PRMT7: variants seen among roughly 807,000 people sequenced by gnomAD.
PRMT7 encodes the protein protein arginine N-methyltransferase 7.
A neutral mutation model predicts 85.4 loss-of-function variants in PRMT7; 75 were observed. The observed-to-expected ratio is 0.88, with a 90% CI of 0.73 to 1.06. PRMT7 has a LOEUF of 1.06. Among genes scored for constraint, PRMT7 ranks in the 50% least tolerant of loss-of-function variants. The probability of loss-of-function intolerance (pLI) is 0.00; values close to 1 mark genes in which losing one functional copy is unlikely to be tolerated. For missense variants in PRMT7, 868 were observed against 915.2 expected (o/e 0.95, Z 0.67); for synonymous variants, 397 against 359.5 (o/e 1.10, Z -1.18).
At chr16:68,335,603 T>C (rs1409988244) in intron 6 of PRMT7, among the ~76,000 whole-genome samples, 1 of 151,622 alleles carries the variant, frequency 6.6e-6, no homozygotes, top group Non-Finnish European at 1.5e-5. Context: ...TTTTTTTATC[T>C]TCATCATCCC....
At chr16:68,327,201 G>A (rs1260098950) in intron 5 of PRMT7, among the ~76,000 whole-genome samples, 1 of 152,140 alleles carries the variant, frequency 6.6e-6, no homozygotes, top group Non-Finnish European at 1.5e-5. Context: ...GGTAGAAAAT[G>A]TGGGAAATAC....
chr16:68,355,699 C>T, intron 16 of PRMT7, 24 bp from the exon 17 acceptor site: 2 of 1,531,220 alleles, frequency 1.3e-6, no homozygotes, highest in South Asian at 2.5e-5. Context: ...TCTCTGCAGC[C>T]CCCAGGCCCC....
chr16:68,353,600 A>C, intron 16 of PRMT7, 34 bp downstream of exon 16: 4 of 1,507,754 alleles, frequency 2.7e-6, no homozygotes, highest in Non-Finnish European at 2.7e-6. Context: ...AGTACCCCCG[A>C]CCTGCTCCTG....
chr16:68,356,513 C>T (rs1332697594), intron 17 of PRMT7, among the ~76,000 whole-genome samples, 188 bp from the exon 18 acceptor site: 1 of 152,244 alleles, frequency 6.6e-6, no homozygotes, highest in African/African-American at 2.4e-5. Flanking sequence ...CAGGTGGGGG[C>T]TTGGCTGCGG....
chr16:68,319,941 G>A (rs1348227977), intron 3 of PRMT7, among the ~76,000 whole-genome samples: 1 of 152,132 alleles, frequency 6.6e-6, no homozygotes, highest in East Asian at 1.9e-4. Context: ...AGGAAATATG[G>A]AGAAGTGATT....
chr16:68,347,712 A>G, intron 13 of PRMT7, 34 bp downstream of exon 13: 1 of 1,605,446 alleles, frequency 6.2e-7, no homozygotes, highest in Non-Finnish European at 8.5e-7. Flanking sequence ...AAATAGTGAG[A>G]GGACCTGTGG....
At chr16:68,345,887 G>A in intron 10 of PRMT7, 85 bp downstream of exon 10, 17 of 1,575,656 alleles carry the variant, frequency 1.1e-5, no homozygotes, top group Non-Finnish European at 1.5e-5. Context: ...GGAGGTGCCA[G>A]TGGGTTGATT....
chr16:68,330,739 C>T (rs529700181), intron 6 of PRMT7, among the ~76,000 whole-genome samples: 8 of 151,980 alleles, frequency 5.3e-5, no homozygotes, highest in Non-Finnish European at 1.0e-4. Context: ...GGATTACAGG[C>T]GTGCACCACC....
chr16:68,320,732 A>G (rs1388245891), intron 3 of PRMT7, among the ~76,000 whole-genome samples: 2 of 152,286 alleles, frequency 1.3e-5, no homozygotes, highest in South Asian at 2.1e-4. Context: ...CTACTGGAGC[A>G]TTTTTAGGTC....
At chr16:68,323,476 T>A (rs965708312) in intron 4 of PRMT7, among the ~76,000 whole-genome samples, 3 of 152,212 alleles carry the variant, frequency 2.0e-5, no homozygotes, top group East Asian at 1.9e-4. Context: ...CGCCTCAGCC[T>A]CCCAAAGTGC....
chr16:68,329,359 A>G (rs1186859249), intron 6 of PRMT7, 185 bp downstream of exon 6: 1 of 493,282 alleles, frequency 2.0e-6, no homozygotes, highest in Non-Finnish European at 3.7e-6. Flanking sequence ...AAAACTAGTC[A>G]ACAAGGAGTA....
chr16:68,341,219 A>G (rs1388324601), intron 9 of PRMT7, among the ~76,000 whole-genome samples: 1 of 152,220 alleles, frequency 6.6e-6, no homozygotes, highest in East Asian at 1.9e-4. Flanking sequence ...TCACACTCAA[A>G]GGAAAAGAAA....
Position 68,348,631 on chromosome 16 carries a change from CTTTTTTT to C in PRMT7, c.1413+222_1413+228del, listed in dbSNP as rs56041186. On this transcript the variant is annotated intron_variant, in intron 14 of 18. Transcript: ENST00000441236. Reference sequence around the variant, plus strand: ...CCGGTGAGCAGATGGTTGCACTGCTCTTTTTTTTTTTTTTTTTTTTTTTTTTTTGAAA... The same window carrying C: ...CCGGTGAGCAGATGGTTGCACTGCTCTTTTTTTTTTTTTTTTTTTTTGAAA... Among the ~76,000 whole-genome samples the C allele has an allele frequency of 3.0e-5, 2 of 67,600 alleles. 1 individual carries two copies. Among genetic ancestry groups the C allele is most frequent in the South Asian group, 1.2e-3 (2 of 1,710 alleles). 44.3% of individuals were successfully genotyped at this position (67,600 alleles called of 152,430 possible).
At chr16:68,347,017 C>T (rs2086511293) in intron 11 of PRMT7, among the ~76,000 whole-genome samples, 194 bp from the exon 12 acceptor site, 1 of 151,852 alleles carries the variant, frequency 6.6e-6, no homozygotes, top group Admixed American at 6.5e-5. Flanking sequence ...TTTCCTGACA[C>T]TGGGGACAGG....
At chr16:68,348,676 G>GCTGT (rs1038335675) in intron 14 of PRMT7, among the ~76,000 whole-genome samples, 9 of 131,294 alleles carry the variant, frequency 6.9e-5, no homozygotes. Flanking sequence ...GGGGTCTCGC[G>GCTGT]CTGTCGTCCA....
intron 15 of PRMT7, 35 bp from the exon 16 acceptor site, chr16:68,353,457 G>A (rs991714468): frequency 2.9e-5 from 47 of 1,609,856 alleles, no homozygotes; most frequent in Non-Finnish European, 3.6e-5. Context: ...GTGTCCTGGC[G>A]GGCGGGTGTG....
chr16:68,353,968 G>C (rs2087849829), intron 16 of PRMT7, among the ~76,000 whole-genome samples: 1 of 152,202 alleles, frequency 6.6e-6, no homozygotes, highest in Non-Finnish European at 1.5e-5. Context: ...CTGGGCCTAC[G>C]TTCTCCAGAA....
chr16:68,345,181 G>A (rs1439836560), intron 9 of PRMT7, among the ~76,000 whole-genome samples: 1 of 152,178 alleles, frequency 6.6e-6, no homozygotes, highest in Non-Finnish European at 1.5e-5. Context: ...GATAGCTTTT[G>A]TTTCCTCAGT....
intron 7 of PRMT7, among the ~76,000 whole-genome samples, chr16:68,338,208 C>T (rs775776171): frequency 6.6e-6 from 1 of 152,046 alleles, no homozygotes; most frequent in Non-Finnish European, 1.5e-5. Context: ...GTGGAATCGT[C>T]CAGACGCTGT....
Sources: allele counts gnomAD v4.1 joint callset (sites outside exome capture counted in the v4.1 genomes callset), GRCh38; gene constraint gnomAD v4.1.1; transcripts MANE v1.5; gene names NCBI Gene and HGNC (gene_info 2026-07-23, HGNC 2026-07-21).